Variants in PPP1R15B observed in about 807,000 individuals in gnomAD.
PPP1R15B encodes the protein protein phosphatase 1, regulatory (inhibitor) subunit 15B.
Under a neutral mutation model 53.9 loss-of-function variants are expected in PPP1R15B, and 31 were observed. That is an observed-to-expected ratio of 0.58 (90% CI 0.43 to 0.78). The LOEUF is 0.78. Among genes scored for constraint, PPP1R15B ranks in the 30% least tolerant of loss-of-function variants. The pLI, the probability that PPP1R15B is intolerant of heterozygous loss-of-function variation, is 0.00. For missense variants in PPP1R15B, 928 were observed against 849.6 expected, an observed-to-expected ratio of 1.09 and a Z score of -1.15; for synonymous variants, 345 against 329.1, an observed-to-expected ratio of 1.05 and a Z score of -0.52.
At chr1:204,400,074 T>C (rs1461676703), downstream of PPP1R15B, among the ~76,000 whole-genome samples, 1 of 151,938 alleles carries the variant, frequency 6.6e-6, no homozygotes, top group Admixed American at 6.6e-5. Context: ...AGTGAGACCC[T>C]GTCTCTACAA....
rs982233315 is a variant in PPP1R15B, at chr1:204,403,997, T to G, written c.*2095A>C. On this transcript the variant is annotated 3_prime_UTR_variant, in exon 2 of 2. Coordinates refer to ENST00000367188, the MANE Select transcript of PPP1R15B (RefSeq NM_032833.5). ...CTCATTATTTTCAAATACACAGAGG[T>G]GCTAGGTTTAAGAAACAGGAAACAC... is the stretch of plus-strand genomic sequence containing the variant. 3.0e-6 allele frequency: 3 copies of G among 985,242 alleles called. No individual in the cohort carries two copies. The highest frequency in any genetic ancestry group is 3.6e-6 in the Non-Finnish European group (3 of 829,898). The allele number at this position is 985,242 out of a possible 1,614,324, so 61.0% of individuals were successfully genotyped here.
Position 204,410,085 on chromosome 1 carries a change from G to T in PPP1R15B, c.1327C>A (p.Pro443Thr). 4 of 1,614,096 alleles carry T rather than the reference G, an allele frequency of 2.5e-6. No homozygotes were observed. The highest frequency in any genetic ancestry group is 3.4e-6 in the Non-Finnish European group (4 of 1,180,028). ...ASSDLETSSD[P>T]EGEDWDEEAE... ...TCCTCATCCCAATCCTCACCTTCTG[G>T]ATCAGAACTTGTTTCCAGGTCACTG... Residue 443 changes from proline (P) to threonine (T), a missense_variant, in exon 1 of 2, where the codon CCA (proline) becomes ACA (threonine). Transcript: ENST00000367188.
downstream of PPP1R15B, among the ~76,000 whole-genome samples, chr1:204,401,073 A>C (rs916339787): frequency 6.6e-6 from 1 of 152,234 alleles, no homozygotes; most frequent in African/African-American, 2.4e-5. Context: ...GTGGTGAAAC[A>C]CTGATGTAAC....
intron 1 of PPP1R15B, 142 bp downstream of exon 1, chr1:204,409,350 A>C (rs886505729): frequency 1.1e-6 from 1 of 898,002 alleles, no homozygotes; most frequent in Non-Finnish European, 1.7e-6. Context: ...GGTCATTTAC[A>C]TATTTCTCAA....
intron 1 of PPP1R15B, 90 bp from the exon 2 acceptor site, chr1:204,406,403 G>C (rs1182810252): frequency 2.1e-6 from 3 of 1,450,462 alleles, no homozygotes; most frequent in Non-Finnish European, 9.3e-7. Context: ...AATTCTTTCA[G>C]AATATTCCCA....
Position 204,406,003 on chromosome 1 carries a change from T to G in PPP1R15B, c.*89A>C. The G allele has an allele frequency of 1.3e-6, 2 of 1,488,520 alleles. No individual in the cohort carries two copies. The highest frequency in any genetic ancestry group is 2.3e-5 in the East Asian group (1 of 42,978). 92.2% of individuals were successfully genotyped at this position (1,488,520 alleles called of 1,614,324 possible). On this transcript the variant is annotated 3_prime_UTR_variant, in exon 2 of 2. Transcript: ENST00000367188. The stretch of plus-strand genomic sequence containing the variant: ...GTTACATTTCCTCTAAAAAAAAAAA[T>G]GTCAAAGGACAGCTGCCAAGATTTG...
downstream of PPP1R15B, among the ~76,000 whole-genome samples, chr1:204,397,768 T>A (rs1241263077): frequency 1.3e-5 from 2 of 152,080 alleles, no homozygotes; most frequent in Non-Finnish European, 2.9e-5. Context: ...CATAATGAAG[T>A]GCCTTTCATA....
downstream of PPP1R15B, among the ~76,000 whole-genome samples, chr1:204,399,240 T>C (rs938011805): frequency 2.0e-5 from 3 of 152,002 alleles, no homozygotes; most frequent in African/African-American, 7.2e-5. Flanking sequence ...ATGGGCAACA[T>C]AGCCAGACCC....
downstream of PPP1R15B, among the ~76,000 whole-genome samples, chr1:204,402,593 T>A (rs559184703): frequency 2.1e-5 from 3 of 146,118 alleles, no homozygotes; most frequent in Non-Finnish European, 3.0e-5. Flanking sequence ...AGTTTTTTTG[T>A]TTTTTTTTGT....
chr1:204,397,169 A>G (rs1016167234), downstream of PPP1R15B, among the ~76,000 whole-genome samples: 1 of 152,032 alleles, frequency 6.6e-6, no homozygotes, highest in African/African-American at 2.4e-5. Flanking sequence ...GCTTGGCAAC[A>G]GAGCAAGGTT....
rs1169894750 is a variant in PPP1R15B at position 204,404,150 on chromosome 1, C to G, written c.*1942G>C. On this transcript the variant is annotated 3_prime_UTR_variant, in exon 2 of 2. Transcript: ENST00000367188. ...CGACATTGCTGTTGCTTGAAACTAG[C>G]CTGTTTTCATGTTATTAGACCATCC... 1.0e-6 allele frequency: 1 copy of G among 985,184 alleles called. No individual in the cohort carries two copies. Among genetic ancestry groups the G allele is most frequent in the Admixed American group, 6.2e-5 (1 of 16,238 alleles). The allele number at this position is 985,184 out of a possible 1,614,324, so 61.0% of individuals were successfully genotyped here. A position where few individuals can be genotyped will look rare whatever the true frequency, so the allele number is the denominator to read the frequency against.
chr1:204,397,092 G>T (rs1467906186), downstream of PPP1R15B, among the ~76,000 whole-genome samples: 1 of 151,862 alleles, frequency 6.6e-6, no homozygotes, highest in African/African-American at 2.4e-5. Context: ...GGAAACTGAG[G>T]CAAGAGGATT....
chr1:204,408,819 G>A (rs1030591441), intron 1 of PPP1R15B, among the ~76,000 whole-genome samples: 1 of 152,208 alleles, frequency 6.6e-6, no homozygotes, highest in Admixed American at 6.5e-5. Flanking sequence ...GGCCATCACT[G>A]TTTATTATTA....
chr1:204,409,381 G>A (rs1674318751), intron 1 of PPP1R15B, 111 bp downstream of exon 1: 2 of 1,193,098 alleles, frequency 1.7e-6, no homozygotes, highest in Admixed American at 2.4e-5. Flanking sequence ...TGAATTTAGA[G>A]GCCTTCCTCA....
chr1:204,403,829 C>A lies in PPP1R15B; in HGVS notation c.*2263G>T. On this transcript the variant is annotated 3_prime_UTR_variant, in exon 2 of 2. Transcript: ENST00000367188. Reference sequence around the variant, plus strand: ...TCCTTCAGTCCAACTTTAAAATAGTCCTTTCTGTCCTTCTTATCACCTTCT... The same window carrying A: ...TCCTTCAGTCCAACTTTAAAATAGTACTTTCTGTCCTTCTTATCACCTTCT... 4.1e-6 allele frequency: 4 copies of A among 985,784 alleles called. No individual in the cohort carries two copies. The highest frequency in any genetic ancestry group is 4.8e-6 in the Non-Finnish European group (4 of 829,928). 61.1% of individuals were successfully genotyped at this position (985,784 alleles called of 1,614,324 possible).
At position 204,410,953 on chromosome 1, in the gene PPP1R15B, G is replaced by A; in HGVS notation, c.459C>T (p.Pro153=). The A allele has an allele frequency of 6.2e-7, 1 of 1,614,130 alleles. No individual in the cohort carries two copies. The highest frequency in any genetic ancestry group is 8.5e-7 in the Non-Finnish European group (1 of 1,180,000). ...LEEGIHWQYS[P]PDLKLELKAK... ...CCTTAAGCTCCAATTTTAGGTCTGG[G>A]GGCGAGTATTGCCAGTGGATCCCCT... The change falls in exon 1 of 2, where the codon CCC becomes CCT. Residue 153 remains proline, a synonymous_variant. Coordinates refer to ENST00000367188, the MANE Select transcript of PPP1R15B (RefSeq NM_032833.5).
At chr1:204,396,420 G>A (rs1301632864), downstream of PPP1R15B, among the ~76,000 whole-genome samples, 15 of 150,386 alleles carry the variant, frequency 1.0e-4, no homozygotes, top group South Asian at 2.1e-4. Context: ...GGGTGTGGTC[G>A]CACACAGCTG....
In PPP1R15B at chr1:204,411,196, C is replaced by T; in HGVS notation, c.216G>A (p.Ala72=). The T allele has an allele frequency of 6.2e-7, 1 of 1,614,204 alleles. No individual in the cohort carries two copies. ...YWTKLLSQLL[A]PLPGLLQKVL... ...CCTTCTGAAGCAATCCGGGGAGCGG[C>T]GCAAGGAGCTGGGAGAGCAGTTTCG... Residue 72 remains alanine (A), a synonymous_variant, in exon 1 of 2, where the codon GCG becomes GCA. Transcript: ENST00000367188.
downstream of PPP1R15B, among the ~76,000 whole-genome samples, chr1:204,401,851 G>T (rs1674183767): frequency 6.6e-6 from 1 of 152,190 alleles, no homozygotes; most frequent in South Asian, 2.1e-4. Flanking sequence ...AGCCTGGGAG[G>T]TTGAGGCTGT....
Sources: gnomAD v4.1 joint callset for allele counts (sites outside exome capture counted in the v4.1 genomes callset) on GRCh38, gnomAD v4.1.1 for gene constraint, MANE v1.5 for transcripts, NCBI Gene and HGNC (gene_info 2026-07-23, HGNC 2026-07-21) for gene names.